TBL1X: variants seen among roughly 807,000 people sequenced by gnomAD.
The protein encoded by TBL1X is transducin beta like 1 X-linked, also known as F-box-like/WD repeat-containing protein TBL1X.
TBL1X carries 10 observed loss-of-function variants against 50.7 expected under a neutral mutation model. That is an observed-to-expected ratio of 0.20 (90% CI 0.12 to 0.33). The LOEUF is 0.33. Ranked by LOEUF, TBL1X falls within the 10% of genes least tolerant of loss-of-function variation. TBL1X has a pLI of 1.00. For synonymous variants in TBL1X, 190 were observed against 214.7 expected, an observed-to-expected ratio of 0.88 and a Z score of 1.01; for missense variants, 340 against 504.4, an observed-to-expected ratio of 0.67 and a Z score of 3.12.
At chrX:9,542,098 G>A (rs1402306525) in intron 2 of TBL1X, among the ~76,000 whole-genome samples, 3 of 111,129 alleles carry the variant, frequency 2.7e-5, no homozygotes, top group Non-Finnish European at 5.7e-5. Flanking sequence ...AGTTGTTACT[G>A]CTAGTATGAA....
chrX:9,585,344 C>CG (rs1249079627), intron 2 of TBL1X, among the ~76,000 whole-genome samples: 2 of 92,023 alleles, frequency 2.2e-5, no homozygotes, highest in South Asian at 7.7e-4. Context: ...CTCCCCTCCC[C>CG]CCCCCGCCAC....
rs914345521 is a variant in TBL1X, at chrX:9,561,940, G to A, written c.-131+60091G>A. On this transcript the variant is annotated intron_variant, in intron 2 of 17. Coordinates refer to ENST00000645353, the MANE Select transcript of TBL1X (RefSeq NM_005647.4). The stretch of plus-strand genomic sequence containing the variant: ...TTTTGCAAATGATGGAAACTGAAAC[G>A]TGAGTACCAGGACCATATGATGTTC... Among the ~76,000 whole-genome samples, 7 of 112,185 alleles carry A rather than the reference G, an allele frequency of 6.2e-5. 1 individual carries two copies. The Admixed American group carries it at 6.6e-4, about 11-fold the overall frequency.
chrX:9,463,617 C>T (rs777576298), upstream of TBL1X, among the ~76,000 whole-genome samples: 17 of 112,574 alleles, frequency 1.5e-4, no homozygotes, highest in Non-Finnish European at 3.0e-4. Flanking sequence ...TCCGGCCGGG[C>T]ACGGTGGCTC....
At chrX:9,694,103 C>T (rs977462845) in intron 11 of TBL1X, among the ~76,000 whole-genome samples, 1 of 111,220 alleles carries the variant, frequency 9.0e-6, no homozygotes, top group Admixed American at 9.6e-5. Flanking sequence ...ATTTCACTTT[C>T]CTCACTTGTC....
chrX:9,557,239 G>A (rs768194961), intron 2 of TBL1X, among the ~76,000 whole-genome samples: 2 of 112,489 alleles, frequency 1.8e-5, no homozygotes, highest in South Asian at 7.3e-4. Flanking sequence ...TAAGAAACAC[G>A]AGGTCAGTCA....
intron 2 of TBL1X, among the ~76,000 whole-genome samples, chrX:9,534,023 G>A (rs1019121004): frequency 5.4e-5 from 6 of 111,694 alleles, no homozygotes; most frequent in African/African-American, 1.6e-4. Flanking sequence ...AGAACCATGC[G>A]GGAGCAAGGG....
chrX:9,701,588 AAAAAAAAAG>A (rs1226519253), intron 12 of TBL1X, among the ~76,000 whole-genome samples: 23 of 108,422 alleles, frequency 2.1e-4, no homozygotes, highest in East Asian at 8.6e-4. Flanking sequence ...AAAAAAAAAA[AAAAAAAAAG>A]AAGAAGAAAA....
At chrX:9,611,108 A>G (rs1467646772) in intron 2 of TBL1X, among the ~76,000 whole-genome samples, 2 of 95,713 alleles carry the variant, frequency 2.1e-5, no homozygotes, top group Non-Finnish European at 2.1e-5. Context: ...TACAGTATGC[A>G]GTGTGTATGG....
Position 9,709,304 on chromosome X carries a change from G to T in TBL1X, c.1293G>T (p.Ser431=). The T allele has an allele frequency of 8.3e-7, 1 of 1,211,759 alleles. No homozygotes were observed. Among genetic ancestry groups the T allele is most frequent in the Middle Eastern group, 2.3e-4 (1 of 4,334 alleles). Residue 431 remains serine, a synonymous_variant, in exon 14 of 18, where the codon TCG becomes TCT. Coordinates refer to ENST00000645353, the MANE Select transcript of TBL1X (RefSeq NM_005647.4). ...CTGGAATGTTGCTGGCATCCTGCTC[G>T]GATGACATGACATTGAAGGTAGAGT... The part of the protein sequence containing the change: ...DPSGMLLASC[S]DDMTLKIWSM...
At chrX:9,578,565 G>A (rs911633493) in intron 2 of TBL1X, among the ~76,000 whole-genome samples, 2 of 111,685 alleles carry the variant, frequency 1.8e-5, no homozygotes, top group Admixed American at 9.5e-5. Flanking sequence ...GAGCTCTGTC[G>A]ACGGCGCTAA....
At chrX:9,495,909 A>G (rs181307512) in intron 1 of TBL1X, among the ~76,000 whole-genome samples, 2 of 112,356 alleles carry the variant, frequency 1.8e-5, no homozygotes, top group East Asian at 5.6e-4. Context: ...ATTTGGTGAC[A>G]CAGCCACACG....
At chrX:9,574,176 T>C (rs933121919) in intron 2 of TBL1X, among the ~76,000 whole-genome samples, 2 of 110,509 alleles carry the variant, frequency 1.8e-5, no homozygotes, top group African/African-American at 6.6e-5. Context: ...AAAATTTGCT[T>C]GCTGTGGCTG....
intron 2 of TBL1X, among the ~76,000 whole-genome samples, chrX:9,579,097 C>T (rs745682060): frequency 9.9e-5 from 11 of 111,596 alleles, no homozygotes; most frequent in Non-Finnish European, 1.5e-4. Flanking sequence ...GTGTGAAGTA[C>T]CCTGTGTGCC....
intron 2 of TBL1X, among the ~76,000 whole-genome samples, chrX:9,629,081 A>G (rs1032616966): frequency 8.9e-6 from 1 of 112,256 alleles, no homozygotes; most frequent in African/African-American, 3.2e-5. Flanking sequence ...CTTCTTCTGC[A>G]TGTTAGTTGT....
intron 1 of TBL1X, among the ~76,000 whole-genome samples, chrX:9,494,117 C>T (rs1329923502): frequency 8.9e-6 from 1 of 111,760 alleles, no homozygotes; most frequent in South Asian, 3.7e-4. Flanking sequence ...GCATGTGGTG[C>T]GGTCCAGTGG....
chrX:9,666,673 T>C (rs1315304797), intron 5 of TBL1X, among the ~76,000 whole-genome samples: 1 of 111,530 alleles, frequency 9.0e-6, no homozygotes, highest in Non-Finnish European at 1.9e-5. Context: ...GGATTCTAGA[T>C]AAGGCCTGGG....
chrX:9,704,691 C>A (rs1049476538), intron 12 of TBL1X, among the ~76,000 whole-genome samples: 2 of 106,736 alleles, frequency 1.9e-5, no homozygotes, highest in Admixed American at 2.0e-4. Flanking sequence ...TCAAGGCCAT[C>A]CTGGGCAATA....
At chrX:9,707,079 T>A (rs1234809013) in intron 13 of TBL1X, among the ~76,000 whole-genome samples, 1 of 111,476 alleles carries the variant, frequency 9.0e-6, no homozygotes, top group Non-Finnish European at 1.9e-5. Flanking sequence ...TGCCTTTCTC[T>A]CACCAGCACC....
At position 9,709,693 on chromosome X, in the gene TBL1X, T is replaced by C; in HGVS notation, c.1372T>C (p.Tyr458His). 8.3e-7 allele frequency: 1 copy of C among 1,209,591 alleles called. No individual in the cohort carries two copies. Among genetic ancestry groups the C allele is most frequent in the Non-Finnish European group, 1.1e-6 (1 of 894,301 alleles). Residue 458 changes from tyrosine (Y) to histidine (H), a missense_variant, in exon 15 of 18, where the codon TAC (tyrosine) becomes CAC (histidine). By Grantham distance (83) the Tyr-to-His change is moderately conservative. Around this residue, in one of 6 missense-constraint regions of TBL1X, gnomAD observed 170 missense variants for 272.6 expected, o/e 0.62. Transcript: ENST00000645353. ...HDLQAHNKEI[Y>H]TIKWSPTGPA... is the part of the protein sequence containing the mutation. ...TCTTCAGGCTCACAATAAAGAGATC[T>C]ACACCATCAAGTGGAGCCCCACTGG... is the stretch of plus-strand genomic sequence containing the variant.
Sources: allele counts gnomAD v4.1 joint callset (sites outside exome capture counted in the v4.1 genomes callset), GRCh38; gene constraint gnomAD v4.1.1; regional missense constraint gnomAD v4.1.1; transcripts MANE v1.5; gene names NCBI Gene and HGNC (gene_info 2026-07-23, HGNC 2026-07-21).